RBPJ: variants seen among roughly 807,000 people sequenced by gnomAD.
RBPJ encodes the protein recombining binding protein suppressor of hairless.
RBPJ carries 9 observed loss-of-function variants against 67.8 expected under a neutral mutation model. The ratio of observed to expected loss-of-function variants is 0.13; its 90% CI spans 0.08 to 0.23. RBPJ has a LOEUF of 0.23. Among genes scored for constraint, RBPJ ranks in the 10% least tolerant of loss-of-function variants. The pLI is 1.00. For missense variants in RBPJ, 305 were observed against 595.6 expected (o/e 0.51, Z 5.08); for synonymous variants, 198 against 203.3 (o/e 0.97, Z 0.22).
intron 1 of RBPJ, among the ~76,000 whole-genome samples, chr4:26,268,262 AC>A (rs1720769921): frequency 6.6e-6 from 1 of 152,132 alleles, no homozygotes; most frequent in African/African-American, 2.4e-5. Flanking sequence ...TTCAAAAAAA[AC>A]AAAAAACAAA....
At chr4:26,205,958 C>T (rs1718155006) in intron 1 of RBPJ, among the ~76,000 whole-genome samples, 1 of 150,282 alleles carries the variant, frequency 6.7e-6, no homozygotes, top group Non-Finnish European at 1.5e-5. Flanking sequence ...ATAAGTAATC[C>T]ATTCAGTCTG....
At chr4:26,249,973 A>G (rs1720051991) in intron 1 of RBPJ, among the ~76,000 whole-genome samples, 1 of 150,670 alleles carries the variant, frequency 6.6e-6, no homozygotes, top group Non-Finnish European at 1.5e-5. Flanking sequence ...TTTAGTAGAG[A>G]CGGGGTTTCT....
At chr4:26,107,526 G>A in the RBPJ span, among the ~76,000 whole-genome samples, 1 of 152,240 alleles carries the variant, frequency 6.6e-6, no homozygotes. Flanking sequence ...ATATTATAGC[G>A]TAGCTTGTTA....
At chr4:26,153,107 A>G in the RBPJ span, among the ~76,000 whole-genome samples, 2 of 152,258 alleles carry the variant, frequency 1.3e-5, no homozygotes, top group Admixed American at 6.5e-5. Flanking sequence ...ATCTTAAATA[A>G]TTTTGTGCAT....
chr4:26,152,682 A>G, the RBPJ span, among the ~76,000 whole-genome samples: 1 of 152,346 alleles, frequency 6.6e-6, no homozygotes, highest in African/African-American at 2.4e-5. Flanking sequence ...CAGGACTTGA[A>G]CCCAGGTTGT....
chr4:26,385,803 T>A (rs1037282709), intron 1 of RBPJ, among the ~76,000 whole-genome samples: 7 of 151,212 alleles, frequency 4.6e-5, no homozygotes, highest in East Asian at 3.9e-4. Flanking sequence ...TTTATTTATT[T>A]TTTTATTTTA....
At chr4:26,227,811 G>A (rs536756592) in intron 1 of RBPJ, among the ~76,000 whole-genome samples, 9 of 152,324 alleles carry the variant, frequency 5.9e-5, no homozygotes, top group African/African-American at 1.2e-4. Flanking sequence ...ATGTCAGCAC[G>A]CTTGCTCCAT....
rs373388909 is a variant in RBPJ at position 26,182,045 on chromosome 4, A to G, written c.-167+18431A>G. Among the ~76,000 whole-genome samples, 383 of 152,346 alleles carry G rather than the reference A, an allele frequency of 2.5e-3. 2 individuals are homozygous for G. Among genetic ancestry groups the G allele is most frequent in the African/African-American group, 8.8e-3 (364 of 41,586 alleles). On this transcript the variant is annotated intron_variant, in intron 1 of 4. Coordinates refer to the RBPJ transcript ENST00000512351. ...ACATGTTAAACTTTTTGATCTTTTA[A>G]AACTTTTTGACTCTTGGCTGGGTGC...
chr4:26,181,664 A>G (rs1445363169), intron 1 of RBPJ, among the ~76,000 whole-genome samples: 5 of 152,330 alleles, frequency 3.3e-5, no homozygotes, highest in Non-Finnish European at 7.3e-5. Flanking sequence ...ATAGGCTACA[A>G]ACCAGTTCCT....
intron 1 of RBPJ, among the ~76,000 whole-genome samples, chr4:26,219,823 T>A (rs1022345444): frequency 6.6e-6 from 1 of 152,170 alleles, no homozygotes; most frequent in African/African-American, 2.4e-5. Context: ...TCACGCAGGC[T>A]GGAGTGCAGT....
At chr4:26,168,454 A>C (rs1056136834) in intron 1 of RBPJ, among the ~76,000 whole-genome samples, 1 of 152,168 alleles carries the variant, frequency 6.6e-6, no homozygotes, top group African/African-American at 2.4e-5. Context: ...TGTTCGTCTG[A>C]TGGGCTTCCC....
chr4:26,130,692 A>G, the RBPJ span, among the ~76,000 whole-genome samples: 1 of 152,216 alleles, frequency 6.6e-6, no homozygotes, highest in Non-Finnish European at 1.5e-5. Context: ...TATGAGAAGA[A>G]AAAAATTCTG....
intron 1 of RBPJ, among the ~76,000 whole-genome samples, chr4:26,202,993 GGAAGGAAGGAAGGAA>G (rs1560208763): frequency 7.0e-6 from 1 of 141,900 alleles, no homozygotes; most frequent in Non-Finnish European, 1.6e-5. Context: ...AAGGAAGGAA[GGAAGGAAGGAAGGAA>G]AAAAGAAAAG....
intron 1 of RBPJ, among the ~76,000 whole-genome samples, chr4:26,168,132 T>C (rs1190859606): frequency 2.6e-5 from 4 of 152,232 alleles, no homozygotes; most frequent in African/African-American, 9.6e-5. Flanking sequence ...TAGCTGGTTA[T>C]TTTGCTCGTT....
intron 1 of RBPJ, among the ~76,000 whole-genome samples, chr4:26,369,116 C>G (rs1370869800): frequency 1.3e-5 from 2 of 152,140 alleles, no homozygotes; most frequent in Non-Finnish European, 2.9e-5. Context: ...ACTTTTGATA[C>G]TACTAGGTTT....
chr4:26,368,080 T>C (rs1017195387), intron 1 of RBPJ: 2 of 152,240 alleles, frequency 1.3e-5, no homozygotes, highest in African/African-American at 2.4e-5. Context: ...TTGGGCATGA[T>C]ATGCTCTTCA....
chr4:26,261,570 G>A (rs1352894825), intron 1 of RBPJ, among the ~76,000 whole-genome samples: 1 of 152,140 alleles, frequency 6.6e-6, no homozygotes, highest in East Asian at 1.9e-4. Flanking sequence ...AATGAAATCA[G>A]TTTTTGACAA....
chr4:26,214,571 GAAAA>G (rs1226179239), intron 1 of RBPJ, among the ~76,000 whole-genome samples: 1 of 118,218 alleles, frequency 8.5e-6, no homozygotes, highest in African/African-American at 3.3e-5. Flanking sequence ...AGAGAAAAGA[GAAAA>G]AGAAAGAAAG....
At position 26,355,464 on chromosome 4, in the gene RBPJ, A is replaced by G. The variant is rs540264115; in HGVS notation, c.21-30889A>G. Among the ~76,000 whole-genome samples, 5 of 149,924 alleles carry G rather than the reference A, an allele frequency of 3.3e-5. No homozygotes were observed. In the East Asian group the frequency reaches 7.9e-4, roughly 24 times the overall value. ...GGAATTTGAGACCATCCTGGGCAACATAGCAAGACTTCATCTCTACCAAAA... is the reference window on the plus strand; with the variant it reads ...GGAATTTGAGACCATCCTGGGCAACGTAGCAAGACTTCATCTCTACCAAAA... On this transcript the variant is annotated intron_variant, in intron 1 of 10. Transcript: ENST00000355476.
Sources: allele counts gnomAD v4.1 joint callset (sites outside exome capture counted in the v4.1 genomes callset), GRCh38; gene constraint gnomAD v4.1.1; transcripts MANE v1.5; gene names NCBI Gene and HGNC (gene_info 2026-07-23, HGNC 2026-07-21).